EIF4A3: variants seen among roughly 807,000 people sequenced by gnomAD.
The protein encoded by EIF4A3 is eukaryotic translation initiation factor 4A3.
A neutral mutation model predicts 55.6 loss-of-function variants in EIF4A3; 1 was observed. That is an observed-to-expected ratio of 0.02 (90% CI 0.01 to 0.09). The LOEUF is 0.09. EIF4A3 is among the 10% of genes least tolerant of loss of function. EIF4A3 has a pLI of 1.00. For missense variants in EIF4A3, 221 were observed against 540.7 expected, an observed-to-expected ratio of 0.41 and a Z score of 5.86; for synonymous variants, 194 against 196.3, an observed-to-expected ratio of 0.99 and a Z score of 0.10.
intron 1 of EIF4A3, among the ~76,000 whole-genome samples, chr17:80,145,265 T>C (rs1004658659): frequency 1.3e-5 from 2 of 152,132 alleles, no homozygotes; most frequent in Non-Finnish European, 2.9e-5. Context: ...TGTTGTGGCA[T>C]CAAGAACTAC....
chr17:80,146,805 T>G lies in EIF4A3; in HGVS notation c.157A>C (p.Ile53Leu). ...CGCGCCCGCTCACCGTAAGCGTAGA[T>G]GCCCCGCAGCAGGTCCTCCCGCAGG... ...MGLREDLLRG[I>L]YAYGFEKPSA... The change falls in exon 1 of 12, where the codon ATC becomes CTC. Residue 53 changes from isoleucine (I) to leucine (L), a missense_variant. Ile to Leu is a conservative substitution (Grantham distance 5). This residue lies in a region of EIF4A3 where 85 missense variants were observed against 205.8 expected (regional missense o/e 0.41). Transcript: ENST00000649764. 2 of 1,608,968 alleles carry G rather than the reference T, an allele frequency of 1.2e-6. No homozygotes were observed. The highest frequency in any genetic ancestry group is 1.7e-6 in the Non-Finnish European group (2 of 1,178,870).
At chr17:80,145,716 A>G (rs2039653714) in intron 1 of EIF4A3, among the ~76,000 whole-genome samples, 1 of 152,114 alleles carries the variant, frequency 6.6e-6, no homozygotes, top group African/African-American at 2.4e-5. Context: ...ACTTCCTCAC[A>G]TCTTTCAAAC....
intron 5 of EIF4A3, 95 bp downstream of exon 5, chr17:80,139,913 C>T (rs770269377): frequency 5.0e-5 from 77 of 1,545,890 alleles, no homozygotes; most frequent in Non-Finnish European, 6.3e-5. Flanking sequence ...AAAAGTCTAC[C>T]GTGCGGCCTA....
Position 80,134,995 on chromosome 17 carries a change from CAAA to C in EIF4A3, c.*492_*494del, listed in dbSNP as rs553398440. ...TGAAACCCCGTCTCTACTGAAAATA[CAAA>C]AAAATTAGCCTGGCATGGTGGCGGC... On this transcript the variant is annotated 3_prime_UTR_variant, in exon 12 of 12. Coordinates refer to ENST00000649764, the MANE Select transcript of EIF4A3 (RefSeq NM_014740.4). 5.7e-3 allele frequency among the ~76,000 whole-genome samples: 870 copies of C among 151,492 alleles called. 1 individual carries two copies. The highest frequency in any genetic ancestry group is 6.9e-3 in the Non-Finnish European group (471 of 67,782).
Position 80,146,993 on chromosome 17 carries a change from G to A in EIF4A3, c.-32C>T. 6.7e-7 allele frequency: 1 copy of A among 1,497,230 alleles called. No individual in the cohort carries two copies. Among genetic ancestry groups the A allele is most frequent in the Non-Finnish European group, 8.9e-7 (1 of 1,123,390 alleles). 92.7% of individuals were successfully genotyped at this position (1,497,230 alleles called of 1,614,324 possible). On this transcript the variant is annotated 5_prime_UTR_variant, in exon 1 of 12. Transcript: ENST00000649764. ...GAGTCCGCGGAAGAGCACAGCGCGC[G>A]CCGCTGCCGACCTCGCTGCCGCTGC...
intron 1 of EIF4A3, among the ~76,000 whole-genome samples, chr17:80,145,833 T>C (rs559768976): frequency 3.3e-5 from 5 of 151,964 alleles, no homozygotes; most frequent in Admixed American, 6.6e-5. Context: ...CTCTCCTCCT[T>C]CTGTCACTCA....
intron 7 of EIF4A3, chr17:80,138,739 G>T (rs1198155947): frequency 5.0e-6 from 2 of 403,692 alleles, no homozygotes; most frequent in Non-Finnish European, 4.5e-6. Flanking sequence ...TGGGACTATA[G>T]GCATGTGCCG....
At chr17:80,145,968 G>A (rs922717371) in intron 1 of EIF4A3, among the ~76,000 whole-genome samples, 5 of 151,818 alleles carry the variant, frequency 3.3e-5, no homozygotes, top group African/African-American at 1.2e-4. Flanking sequence ...GCCTTGCCTC[G>A]CCTCACCTCA....
At chr17:80,139,411 AG>A (rs2039599918) in intron 6 of EIF4A3, 1 of 632,434 alleles carries the variant, frequency 1.6e-6, no homozygotes, top group Non-Finnish European at 2.7e-6. Context: ...GAAGTGATCT[AG>A]GGATCAAGAA....
At chr17:80,142,909 T>A (rs1371741333) in intron 2 of EIF4A3, among the ~76,000 whole-genome samples, 2 of 151,876 alleles carry the variant, frequency 1.3e-5, no homozygotes, top group Non-Finnish European at 2.9e-5. Flanking sequence ...CATGGTGATG[T>A]GTGCCTGTAG....
At chr17:80,136,629 T>C (rs1380784455) in intron 9 of EIF4A3, 4 of 347,810 alleles carry the variant, frequency 1.2e-5, no homozygotes, top group East Asian at 5.0e-5. Flanking sequence ...AAACCAATAA[T>C]TGGGAAAAAT....
chr17:80,137,300 G>C, intron 9 of EIF4A3, 86 bp downstream of exon 9: 1 of 1,170,028 alleles, frequency 8.5e-7, no homozygotes. Context: ...CCCGGGTGTG[G>C]GGCCTGCACT....
intron 9 of EIF4A3, 81 bp downstream of exon 9, chr17:80,137,305 T>G (rs2039578932): frequency 8.0e-7 from 1 of 1,243,562 alleles, no homozygotes. Context: ...GTGTGGGGCC[T>G]GCACTTAGGC....
rs777692344 is a variant in EIF4A3, at chr17:80,138,094, A to C, written c.867+48T>G. 8.8e-6 allele frequency: 14 copies of C among 1,588,230 alleles called. No individual in the cohort carries two copies. In the South Asian group the frequency reaches 1.6e-4, roughly 18 times the overall value. ...CTTGATTTATGTCATTCAGAGACTC[A>C]ATCTGCAGTTTCCCTTCAGCACATG... On this transcript the variant is annotated intron_variant, in intron 8 of 11. Transcript: ENST00000649764.
intron 2 of EIF4A3, 109 bp from the exon 3 acceptor site, chr17:80,141,957 C>T: frequency 2.5e-6 from 2 of 794,114 alleles, no homozygotes; most frequent in Non-Finnish European, 4.2e-6. Flanking sequence ...TCCAGCAAGC[C>T]CCCGTACCTA....
At position 80,140,045 on chromosome 17, in the gene EIF4A3, T is replaced by G; in HGVS notation, c.468A>C (p.Gly156=). 2 of 1,613,950 alleles carry G rather than the reference T, an allele frequency of 1.2e-6. No homozygotes were observed. The highest frequency in any genetic ancestry group is 1.7e-6 in the Non-Finnish European group (2 of 1,179,974). Residue 156 remains glycine, a synonymous_variant, in exon 5 of 12, where the codon GGA becomes GGC. Transcript: ENST00000649764. ...CTGGAGTGCCCGCGACAACATGCTG[T>G]CCGTAATCCAGCTTCCTGATGTCCT... The part of the protein sequence containing the change: ...VGEDIRKLDY[G]QHVVAGTPGR...
intron 5 of EIF4A3, 90 bp downstream of exon 5, chr17:80,139,918 G>A (rs1044862553): frequency 1.3e-4 from 208 of 1,550,576 alleles, no homozygotes; most frequent in Middle Eastern, 1.7e-4. Context: ...TCTACCGTGC[G>A]GCCTACCAAA....
chr17:80,139,327 C>A (rs1320912863), intron 6 of EIF4A3, 165 bp from the exon 7 acceptor site: 2 of 865,028 alleles, frequency 2.3e-6, no homozygotes, highest in African/African-American at 1.7e-5. Flanking sequence ...GCGTTCTCTC[C>A]GTCCCTACTC....
Position 80,147,103 on chromosome 17 carries a change from C to T in EIF4A3, c.-142G>A. 8.1e-7 allele frequency: 1 copy of T among 1,233,440 alleles called. No homozygotes were observed. The highest frequency in any genetic ancestry group is 1.1e-6 in the Non-Finnish European group (1 of 945,308). 76.4% of individuals were successfully genotyped at this position (1,233,440 alleles called of 1,614,324 possible). A position where few individuals can be genotyped will look rare whatever the true frequency, so the allele number is the denominator to read the frequency against. ...GACCTCGCTGTGCCGCTGCCGACCT[C>T]GCTGTGCCGCTGCCGACCTCGCTGT... On this transcript the variant is annotated 5_prime_UTR_variant, in exon 1 of 12. Transcript: ENST00000649764.
Sources: gnomAD v4.1 joint callset for allele counts (sites outside exome capture counted in the v4.1 genomes callset) on GRCh38, gnomAD v4.1.1 for gene constraint, gnomAD v4.1.1 regional missense constraint, MANE v1.5 for transcripts, NCBI Gene and HGNC (gene_info 2026-07-23, HGNC 2026-07-21) for gene names.